ZNF695: variants seen among roughly 807,000 people sequenced by gnomAD.
The protein encoded by ZNF695 is zinc finger protein 695.
In ZNF695, 11 loss-of-function variants were observed where a neutral mutation model predicts 11.2. The ratio of observed to expected loss-of-function variants is 0.98; its 90% confidence interval spans 0.62 to 1.62. The LOEUF (loss-of-function observed/expected upper bound fraction) is 1.62. Ranked by LOEUF, ZNF695 falls within the 40% of genes most tolerant of loss-of-function variation. The pLI is 0.00. For synonymous variants in ZNF695, 190 were observed against 201.4 expected (o/e 0.94, Z 0.48); for missense variants, 559 against 590.5 (o/e 0.95, Z 0.55).
chr1:246,953,099 T>C (rs1667906325), intron 5 of ZNF695, among the ~76,000 whole-genome samples: 1 of 152,106 alleles, frequency 6.6e-6, no homozygotes, highest in South Asian at 2.1e-4. Flanking sequence ...TAATACTAAG[T>C]TTGTTCTACT....
intron 5 of ZNF695, among the ~76,000 whole-genome samples, chr1:246,950,803 C>T (rs1476004821): frequency 1.3e-5 from 2 of 152,118 alleles, no homozygotes; most frequent in South Asian, 2.1e-4. Flanking sequence ...CACTCTGTCT[C>T]GGTTTCTTCA....
intron 3 of ZNF695, among the ~76,000 whole-genome samples, chr1:246,992,126 T>C (rs922337386): frequency 1.5e-4 from 22 of 151,664 alleles, no homozygotes; most frequent in Non-Finnish European, 3.1e-4. Context: ...ATCGCGCCAC[T>C]GCACTCCAGC....
chr1:246,973,862 C>A (rs1190863115), intron 4 of ZNF695, among the ~76,000 whole-genome samples: 1 of 152,128 alleles, frequency 6.6e-6, no homozygotes, highest in Non-Finnish European at 1.5e-5. Flanking sequence ...TTATATCCCA[C>A]CCATGTAGGC....
intron 4 of ZNF695, among the ~76,000 whole-genome samples, chr1:246,973,349 G>A (rs1181798015): frequency 2.6e-5 from 4 of 152,100 alleles, no homozygotes; most frequent in Admixed American, 6.5e-5. Context: ...GTGCCCGGCC[G>A]AACGTCACAT....
At position 246,986,094 on chromosome 1, in the gene ZNF695, G is replaced by A; in HGVS notation, c.*873C>T. Reference sequence around the variant, plus strand: ...TGTTGTTATTATTATTATTGAGAAAGGGTCTTGCTCTGTTGCCCAGGCAGG... The same window carrying A: ...TGTTGTTATTATTATTATTGAGAAAAGGTCTTGCTCTGTTGCCCAGGCAGG... On this transcript the variant is annotated 3_prime_UTR_variant, in exon 4 of 4. Transcript: ENST00000339986. 1.0e-6 allele frequency: 1 copy of A among 960,242 alleles called. No homozygotes were observed. The highest frequency in any genetic ancestry group is 1.2e-6 in the Non-Finnish European group (1 of 807,056). 59.5% of individuals were successfully genotyped at this position (960,242 alleles called of 1,614,324 possible).
At chr1:246,956,136 G>A (rs748539847) in intron 5 of ZNF695, among the ~76,000 whole-genome samples, 6 of 151,012 alleles carry the variant, frequency 4.0e-5, no homozygotes, top group Admixed American at 6.6e-5. Context: ...TACAGGCTTC[G>A]GCCACCAGTC....
Position 246,986,593 on chromosome 1 carries a change from G to A in ZNF695, c.*374C>T, listed in dbSNP as rs115607798. 1.6e-3 allele frequency: 1,577 copies of A among 1,006,262 alleles called. 16 individuals are homozygous for A. In the African/African-American group the frequency reaches 0.023, roughly 15 times the overall value. 62.3% of individuals were successfully genotyped at this position (1,006,262 alleles called of 1,614,324 possible). On this transcript the variant is annotated 3_prime_UTR_variant, in exon 4 of 4. Transcript: ENST00000339986. ...TACTGCATCTGTAAAACAGTTTTTA[G>A]TGTGAACACTCTGGTGTTTTCTGAG...
At chr1:247,003,640 A>AG in intron 1 of ZNF695, among the ~76,000 whole-genome samples, 1 of 152,352 alleles carries the variant, frequency 6.6e-6, no homozygotes, top group South Asian at 2.1e-4. Flanking sequence ...AATAAATTAT[A>AG]GGGGAAAAAG....
rs71566679 is a variant in ZNF695 at position 246,980,178 on chromosome 1, TAA to T, written c.390+7945_390+7946del. Among the ~76,000 whole-genome samples, 378 of 88,746 alleles carry T rather than the reference TAA, an allele frequency of 4.3e-3. 2 individuals are homozygous for T. Among genetic ancestry groups the T allele is most frequent in the African/African-American group, 0.016 (332 of 20,870 alleles). 58.2% of individuals were successfully genotyped at this position (88,746 alleles called of 152,430 possible). ...TGGACGACAGCCTGGACTCTGTATT[TAA>T]AAAAAAAAAAAAAAAAAAAAAAAAC... is the stretch of plus-strand genomic sequence containing the variant. On this transcript the variant is annotated intron_variant, in intron 4 of 5. Transcript: ENST00000487338.
chr1:246,986,316 C>A lies in ZNF695; in HGVS notation c.*651G>T. 2.1e-6 allele frequency: 2 copies of A among 951,040 alleles called. No homozygotes were observed. The highest frequency in any genetic ancestry group is 4.9e-5 in the South Asian group (1 of 20,606). The allele number at this position is 951,040 out of a possible 1,614,324, so 58.9% of individuals were successfully genotyped here. Reference sequence around the variant, plus strand: ...CTCCTGGGCTCAAGCAATCCCCCGACCTCGGCATCCAAAAGTGCAGCAACT... The same window carrying A: ...CTCCTGGGCTCAAGCAATCCCCCGAACTCGGCATCCAAAAGTGCAGCAACT... On this transcript the variant is annotated 3_prime_UTR_variant, in exon 4 of 4. Coordinates refer to ENST00000339986, the MANE Select transcript of ZNF695 (RefSeq NM_020394.5).
exon 6 of ZNF695, chr1:246,945,763 G>C: frequency 6.5e-7 from 1 of 1,550,320 alleles, no homozygotes; most frequent in Non-Finnish European, 8.7e-7. Context: ...TCCAGGCACT[G>C]TGTTCAAGCA....
At chr1:247,005,929 T>A (rs1025020662) in intron 1 of ZNF695, among the ~76,000 whole-genome samples, 1 of 151,994 alleles carries the variant, frequency 6.6e-6, no homozygotes, top group Non-Finnish European at 1.5e-5. Flanking sequence ...AAATATTTTT[T>A]AAAAAGCCAC....
At chr1:246,959,852 G>A (rs183450908) in intron 5 of ZNF695, among the ~76,000 whole-genome samples, 8 of 152,266 alleles carry the variant, frequency 5.3e-5, no homozygotes, top group African/African-American at 1.7e-4. Flanking sequence ...TCTCCGTGGC[G>A]GTTCTGAAGA....
In ZNF695 at chr1:246,987,402, C is replaced by G. The variant is rs574237860; in HGVS notation, c.1113G>C (p.Arg371Ser). 6.2e-6 allele frequency: 10 copies of G among 1,612,426 alleles called. No homozygotes were observed. In the South Asian group the frequency reaches 7.7e-5, roughly 12 times the overall value. Residue 371 changes from arginine (R) to serine (S), a missense_variant, in exon 4 of 4, where the codon AGG (arginine) becomes AGC (serine). By Grantham distance (110) the Arg-to-Ser change is moderately radical. Transcript: ENST00000339986. ...ATGGTTTCTCACCAGTATGAATTCT[C>G]CTATGTTCAGTCAGATGTGAGCTCT... ...FNQSSHLTEH[R>S]RIHTGEKPYK... is the part of the protein sequence containing the mutation.
chr1:247,002,859 T>C (rs1012986394), intron 1 of ZNF695, among the ~76,000 whole-genome samples: 2 of 151,650 alleles, frequency 1.3e-5, no homozygotes, highest in Non-Finnish European at 2.9e-5. Flanking sequence ...CCAACATGCA[T>C]ATGGAAAAAA....
At chr1:247,000,361 C>T (rs147904712) in intron 1 of ZNF695, among the ~76,000 whole-genome samples, 3,116 of 152,090 alleles carry the variant, frequency 0.02, 112 homozygotes, top group African/African-American at 0.072. Flanking sequence ...AAAAATTAGC[C>T]GGGCGTGGTG....
At chr1:247,003,838 C>T (rs1281667462) in intron 1 of ZNF695, among the ~76,000 whole-genome samples, 1 of 152,148 alleles carries the variant, frequency 6.6e-6, no homozygotes, top group Non-Finnish European at 1.5e-5. Flanking sequence ...ACATTATGTT[C>T]CACACTGAAA....
intron 3 of ZNF695, among the ~76,000 whole-genome samples, chr1:246,990,942 G>T (rs1669012934): frequency 6.6e-6 from 1 of 151,856 alleles, no homozygotes; most frequent in African/African-American, 2.4e-5. Context: ...AAAACCTATG[G>T]GATACAGCAA....
intron 4 of ZNF695, among the ~76,000 whole-genome samples, chr1:246,970,079 A>C (rs1668386977): frequency 6.6e-6 from 1 of 152,202 alleles, no homozygotes; most frequent in Admixed American, 6.5e-5. Flanking sequence ...TATTGCTATC[A>C]TAGCACTTAG....
Sources: gnomAD v4.1 joint callset for allele counts (sites outside exome capture counted in the v4.1 genomes callset) on GRCh38, gnomAD v4.1.1 for gene constraint, MANE v1.5 for transcripts, NCBI Gene and HGNC (gene_info 2026-07-23, HGNC 2026-07-21) for gene names.